STK39: variants seen among roughly 807,000 people sequenced by gnomAD.
STK39 encodes STE20/SPS1-related proline-alanine-rich protein kinase.
In STK39, 20 loss-of-function variants were observed where a neutral mutation model predicts 77.8. The ratio of observed to expected loss-of-function variants is 0.26; its 90% confidence interval spans 0.18 to 0.37. The LOEUF is 0.37. STK39 is among the 10% of genes least tolerant of loss of function. The pLI is 1.00. For synonymous variants in STK39, 246 were observed against 234.1 expected (o/e 1.05, Z -0.47); for missense variants, 479 against 656.5 (o/e 0.73, Z 2.95).
At chr2:167,999,862 T>C (rs6433023) in intron 16 of STK39, among the ~76,000 whole-genome samples, 40,806 of 152,146 alleles carry the variant, frequency 0.27, 5,755 homozygotes, top group East Asian at 0.52. Flanking sequence ...TACTTCTGCA[T>C]GGAAGCAGGT....
intron 14 of STK39, among the ~76,000 whole-genome samples, chr2:168,052,852 A>G (rs1685431964): frequency 1.3e-5 from 2 of 152,242 alleles, no homozygotes; most frequent in Admixed American, 6.5e-5. Context: ...GAAATCATTC[A>G]GTTTTGGAGC....
intron 1 of STK39, among the ~76,000 whole-genome samples, chr2:168,199,422 C>T (rs753464928): frequency 4.6e-5 from 7 of 152,256 alleles, no homozygotes; most frequent in East Asian, 1.9e-4. Context: ...AAAATCGTTC[C>T]GTTTTGCAAA....
At chr2:168,234,329 G>T (rs528482476) in intron 1 of STK39, among the ~76,000 whole-genome samples, 69 of 152,334 alleles carry the variant, frequency 4.5e-4, no homozygotes, top group African/African-American at 1.6e-3. Context: ...AATGTGGCCA[G>T]TGTAACCGAA....
intron 10 of STK39, among the ~76,000 whole-genome samples, chr2:168,102,182 T>C (rs1559097894): frequency 6.6e-6 from 1 of 151,892 alleles, no homozygotes; most frequent in Non-Finnish European, 1.5e-5. Flanking sequence ...CATTTGTACC[T>C]AGAAGTAGAA....
chr2:168,135,519 G>A (rs1687808627), intron 8 of STK39, among the ~76,000 whole-genome samples: 1 of 152,194 alleles, frequency 6.6e-6, no homozygotes, highest in African/African-American at 2.4e-5. Flanking sequence ...CACAAAAAGA[G>A]GGATAGAAAG....
intron 14 of STK39, among the ~76,000 whole-genome samples, chr2:168,017,921 T>C (rs1684456752): frequency 6.6e-6 from 1 of 152,158 alleles, no homozygotes; most frequent in South Asian, 2.1e-4. Context: ...GTGGGCAATT[T>C]TGCAACATTT....
chr2:168,150,133 C>T (rs1366174614), intron 5 of STK39, among the ~76,000 whole-genome samples: 1 of 152,224 alleles, frequency 6.6e-6, no homozygotes, highest in African/African-American at 2.4e-5. Context: ...CTCTAGATTA[C>T]TGTCCTCCTA....
At position 168,136,179 on chromosome 2, in the gene STK39, C is replaced by T. The variant is rs141334611; in HGVS notation, c.974+1909G>A. Among the ~76,000 whole-genome samples the T allele has an allele frequency of 8.1e-3, 1,228 of 151,656 alleles. 14 individuals carry two copies. Among genetic ancestry groups the T allele is most frequent in the Admixed American group, 0.034 (520 of 15,254 alleles). ...GTCAGGAGATCGAGATCATCTTGGC[C>T]AACAGAGTGAAACCCCGTCTCTACT... On this transcript the variant is annotated intron_variant, in intron 8 of 17. Transcript: ENST00000355999.
chr2:168,171,383 T>A (rs1340546164), intron 2 of STK39, among the ~76,000 whole-genome samples: 1 of 145,380 alleles, frequency 6.9e-6, no homozygotes, highest in Admixed American at 7.0e-5. Flanking sequence ...TGGTGAGGAA[T>A]ACAAAATAAA....
At chr2:168,099,137 G>A (rs1236432157) in intron 10 of STK39, among the ~76,000 whole-genome samples, 3 of 152,184 alleles carry the variant, frequency 2.0e-5, no homozygotes, top group South Asian at 2.1e-4. Context: ...CAGGTACAAC[G>A]CCATGAGAGA....
intron 5 of STK39, among the ~76,000 whole-genome samples, chr2:168,153,109 T>C (rs1688334089): frequency 6.6e-6 from 1 of 152,254 alleles, no homozygotes; most frequent in Non-Finnish European, 1.5e-5. Flanking sequence ...TTTCCAAATC[T>C]GTGATAAAAG....
intron 10 of STK39, among the ~76,000 whole-genome samples, chr2:168,108,892 A>C (rs1687050091): frequency 6.6e-6 from 1 of 152,188 alleles, no homozygotes; most frequent in Non-Finnish European, 1.5e-5. Flanking sequence ...ACAAAAGCTA[A>C]ATTTGCTGCA....
intron 14 of STK39, among the ~76,000 whole-genome samples, chr2:168,044,263 A>G (rs1326958672): frequency 6.6e-6 from 1 of 152,196 alleles, no homozygotes; most frequent in East Asian, 1.9e-4. Flanking sequence ...CCTTAGACTT[A>G]ATGGACCTTT....
At chr2:168,235,553 C>T (rs995507972) in intron 1 of STK39, among the ~76,000 whole-genome samples, 3 of 150,808 alleles carry the variant, frequency 2.0e-5, no homozygotes, top group Non-Finnish European at 4.4e-5. Flanking sequence ...CCCAGTAACT[C>T]GTCATTTAAC....
chr2:168,125,702 A>G (rs1687522560), intron 10 of STK39, among the ~76,000 whole-genome samples: 1 of 152,202 alleles, frequency 6.6e-6, no homozygotes, highest in Non-Finnish European at 1.5e-5. Flanking sequence ...CTCAGTTTCT[A>G]CAATTACCAC....
chr2:168,075,044 T>C (rs754909108), intron 11 of STK39, 33 bp from the exon 12 acceptor site: 13 of 1,613,808 alleles, frequency 8.1e-6, no homozygotes, highest in East Asian at 6.7e-5. Flanking sequence ...TTAATATATA[T>C]ACACACACAC....
intron 1 of STK39, among the ~76,000 whole-genome samples, chr2:168,233,577 G>A (rs1483489604): frequency 6.6e-6 from 1 of 152,148 alleles, no homozygotes; most frequent in Non-Finnish European, 1.5e-5. Context: ...TGTAACTTAG[G>A]ATAAACTATT....
At chr2:168,201,993 CAG>C (rs986904293) in intron 1 of STK39, among the ~76,000 whole-genome samples, 5 of 152,196 alleles carry the variant, frequency 3.3e-5, no homozygotes, top group African/African-American at 1.2e-4. Context: ...TCAGTGAGCC[CAG>C]AGAAACAGAA....
intron 1 of STK39, among the ~76,000 whole-genome samples, chr2:168,228,707 T>C (rs1690369990): frequency 6.6e-6 from 1 of 152,106 alleles, no homozygotes; most frequent in Non-Finnish European, 1.5e-5. Flanking sequence ...GGAGAATCAC[T>C]TGAACCAGGA....
Sources: gnomAD v4.1 joint callset for allele counts (sites outside exome capture counted in the v4.1 genomes callset) on GRCh38, gnomAD v4.1.1 for gene constraint, MANE v1.5 for transcripts, NCBI Gene and HGNC (gene_info 2026-07-23, HGNC 2026-07-21) for gene names.